Variants in NRG1 observed in about 807,000 individuals in gnomAD.
The protein encoded by NRG1 is pro-neuregulin-1, membrane-bound isoform.
A neutral mutation model predicts 63.8 loss-of-function variants in NRG1; 18 were observed. That is an observed-to-expected ratio of 0.28 (90% CI 0.19 to 0.42). NRG1 has a LOEUF of 0.42. Among genes scored for constraint, NRG1 ranks in the 10% least tolerant of loss-of-function variants. NRG1 has a pLI of 1.00. For missense variants in NRG1, 762 were observed against 814.7 expected (o/e 0.94, Z 0.79); for synonymous variants, 302 against 301.3 (o/e 1.00, Z -0.02).
rs1585849530 is a variant in NRG1 at position 31,930,287 on chromosome 8, G to A, written c.37+290856G>A. 2.6e-5 allele frequency among the ~76,000 whole-genome samples: 4 copies of A among 152,136 alleles called. No individual in the cohort carries two copies. In the South Asian group the frequency reaches 8.3e-4, roughly 31 times the overall value. On this transcript the variant is annotated intron_variant, in intron 1 of 10. Coordinates refer to the NRG1 transcript ENST00000519301. ...TTTAAAATGTATTATCTATTGAAAA[G>A]TTTAAAAGATCATTTATTGATTAAG...
chr8:31,881,564 A>T (rs1436193386), intron 1 of NRG1, among the ~76,000 whole-genome samples: 1 of 152,210 alleles, frequency 6.6e-6, no homozygotes, highest in East Asian at 1.9e-4. Flanking sequence ...ACCAAAACCT[A>T]GAAAGGATTG....
chr8:32,396,439 TG>T, intron 1 of NRG1, among the ~76,000 whole-genome samples: 1 of 152,250 alleles, frequency 6.6e-6, no homozygotes, highest in South Asian at 2.1e-4. Flanking sequence ...TTCGCCCAAA[TG>T]GTACATTTAT....
intron 1 of NRG1, among the ~76,000 whole-genome samples, chr8:31,932,486 C>T (rs1834949171): frequency 6.6e-6 from 1 of 152,070 alleles, no homozygotes; most frequent in South Asian, 2.1e-4. Context: ...TTTCAGAATC[C>T]TAGGAGGATT....
chr8:31,976,030 T>C (rs866003520), intron 1 of NRG1, among the ~76,000 whole-genome samples: 1 of 152,130 alleles, frequency 6.6e-6, no homozygotes. Context: ...AAAAGACCCT[T>C]GGGAGCTTAC....
At chr8:32,099,108 G>T (rs550208642) in intron 1 of NRG1, among the ~76,000 whole-genome samples, 1 of 152,324 alleles carries the variant, frequency 6.6e-6, no homozygotes, top group South Asian at 2.1e-4. Context: ...AAATCAGCAA[G>T]ATAGGAGCTG....
chr8:32,569,905 CT>C (rs1209336043), intron 1 of NRG1, among the ~76,000 whole-genome samples: 17,537 of 121,454 alleles, frequency 0.14, 726 homozygotes, highest in Admixed American at 0.23. Context: ...TGATAGTTAT[CT>C]TTTTTTTTTT....
At chr8:31,856,298 G>T (rs1280895939) in intron 1 of NRG1, among the ~76,000 whole-genome samples, 1 of 151,804 alleles carries the variant, frequency 6.6e-6, no homozygotes, top group Non-Finnish European at 1.5e-5. Context: ...ATTTCTTGGA[G>T]GCTTTGCTCA....
chr8:31,826,122 A>C (rs1019722587), intron 1 of NRG1, among the ~76,000 whole-genome samples: 3 of 152,124 alleles, frequency 2.0e-5, no homozygotes, highest in African/African-American at 7.2e-5. Flanking sequence ...AAAAGGCTAC[A>C]TTTCCTAGTC....
intron 6 of NRG1, among the ~76,000 whole-genome samples, chr8:32,741,030 A>G (rs1314079578): frequency 6.6e-6 from 1 of 152,148 alleles, no homozygotes; most frequent in Admixed American, 6.5e-5. Context: ...ATTGCTTCCT[A>G]GAACCTTTCA....
intron 1 of NRG1, among the ~76,000 whole-genome samples, chr8:32,575,608 GAT>G (rs949388408): frequency 7.2e-5 from 11 of 152,148 alleles, no homozygotes; most frequent in Non-Finnish European, 1.3e-4. Context: ...CTACACTGGA[GAT>G]AATAATATCC....
intron 1 of NRG1, among the ~76,000 whole-genome samples, chr8:32,086,669 A>G (rs1039652692): frequency 6.6e-6 from 1 of 152,242 alleles, no homozygotes; most frequent in South Asian, 2.1e-4. Context: ...AGTAGATTGA[A>G]GAACACATAA....
At chr8:32,012,136 A>T (rs2129966009) in intron 1 of NRG1, among the ~76,000 whole-genome samples, 1 of 152,224 alleles carries the variant, frequency 6.6e-6, no homozygotes, top group African/African-American at 2.4e-5. Context: ...ATTGGAAGCA[A>T]GCAAACCCCT....
chr8:32,572,562 A>G (rs1197760932), intron 1 of NRG1, among the ~76,000 whole-genome samples: 1 of 152,166 alleles, frequency 6.6e-6, no homozygotes, highest in Non-Finnish European at 1.5e-5. Flanking sequence ...AGCTTTCTTT[A>G]TTATACAGTA....
At chr8:32,200,113 TTCTTG>T (rs1843355106) in intron 1 of NRG1, among the ~76,000 whole-genome samples, 1 of 152,184 alleles carries the variant, frequency 6.6e-6, no homozygotes, top group Non-Finnish European at 1.5e-5. Context: ...CCAGGGAATT[TTCTTG>T]TCTTATTACT....
chr8:32,064,316 A>G (rs746321116), intron 1 of NRG1, among the ~76,000 whole-genome samples: 2 of 152,158 alleles, frequency 1.3e-5, no homozygotes, highest in Non-Finnish European at 2.9e-5. Context: ...AAGTGCTGCA[A>G]TGAATAGCAG....
intron 5 of NRG1, among the ~76,000 whole-genome samples, chr8:32,707,508 TTAAC>T (rs1816731308): frequency 6.6e-6 from 1 of 152,100 alleles, no homozygotes; most frequent in African/African-American, 2.4e-5. Context: ...ACTGTTACCT[TTAAC>T]TATTCAGCAA....
chr8:32,344,372 TTC>T (rs1491217738), intron 1 of NRG1, among the ~76,000 whole-genome samples: 2 of 58,738 alleles, frequency 3.4e-5, no homozygotes, highest in Non-Finnish European at 7.7e-5. Context: ...CTTTCTTTCT[TTC>T]TTTCTTTCTC....
chr8:31,961,836 T>G (rs1383315860), intron 1 of NRG1, among the ~76,000 whole-genome samples: 1 of 152,202 alleles, frequency 6.6e-6, no homozygotes, highest in Non-Finnish European at 1.5e-5. Flanking sequence ...TGAAGCATAA[T>G]GACCCATCTG....
chr8:31,663,977 C>CT (rs914662862), intron 1 of NRG1, among the ~76,000 whole-genome samples: 6 of 150,680 alleles, frequency 4.0e-5, no homozygotes, highest in South Asian at 2.1e-4. Context: ...TTCTTCTTTT[C>CT]TTTTTTTTTA....
Sources: gnomAD v4.1 joint callset for allele counts (sites outside exome capture counted in the v4.1 genomes callset) on GRCh38, gnomAD v4.1.1 for gene constraint, MANE v1.5 for transcripts, NCBI Gene and HGNC (gene_info 2026-07-23, HGNC 2026-07-21) for gene names.